Variants in LEKR1 observed in about 807,000 individuals in gnomAD.
LEKR1 encodes leucine, glutamate and lysine rich 1.
In LEKR1, 59 loss-of-function variants were observed where a neutral mutation model predicts 72.4. That is an observed-to-expected ratio of 0.82 (90% CI 0.66 to 1.01). The LOEUF (loss-of-function observed/expected upper bound fraction) is 1.01. LEKR1 is among the 50% of genes least tolerant of loss of function. LEKR1 has a pLI of 0.00. For synonymous variants in LEKR1, 257 were observed against 263.2 expected, an observed-to-expected ratio of 0.98 and a Z score of 0.23; for missense variants, 728 against 759.2, an observed-to-expected ratio of 0.96 and a Z score of 0.48.
At chr3:157,016,035 A>C (rs1323390427) in intron 10 of LEKR1, among the ~76,000 whole-genome samples, 1 of 152,040 alleles carries the variant, frequency 6.6e-6, no homozygotes, top group African/African-American at 2.4e-5. Context: ...GATAGAATAG[A>C]CTCCAAAACA....
chr3:156,868,581 G>A (rs565230574), intron 3 of LEKR1, among the ~76,000 whole-genome samples: 1 of 152,088 alleles, frequency 6.6e-6, no homozygotes, highest in Non-Finnish European at 1.5e-5. Context: ...AGGAAGCAGG[G>A]AAGAAGGGAG....
intron 6 of LEKR1, among the ~76,000 whole-genome samples, chr3:156,973,189 G>A (rs931129278): frequency 6.6e-6 from 1 of 152,032 alleles, no homozygotes; most frequent in East Asian, 1.9e-4. Flanking sequence ...TTCTTTCAGT[G>A]ATTATTTTTT....
At chr3:156,974,055 C>T (rs1729481390) in intron 6 of LEKR1, among the ~76,000 whole-genome samples, 1 of 152,048 alleles carries the variant, frequency 6.6e-6, no homozygotes, top group Non-Finnish European at 1.5e-5. Flanking sequence ...CCTATAAGTA[C>T]ACAACAAGAT....
chr3:156,906,964 T>A (rs899221296), intron 3 of LEKR1, among the ~76,000 whole-genome samples: 76 of 152,178 alleles, frequency 5.0e-4, no homozygotes, highest in Non-Finnish European at 1.2e-4. Context: ...TTAATACATA[T>A]GTTTAATCTT....
rs1187257625 is a variant in LEKR1, at chr3:156,924,521, A to C, written c.384-2908A>C. 5 of 682,608 alleles carry C rather than the reference A, an allele frequency of 7.3e-6. No individual in the cohort carries two copies. In the Admixed American group the frequency reaches 1.0e-4, roughly 14 times the overall value. The allele number at this position is 682,608 out of a possible 1,614,324, so 42.3% of individuals were successfully genotyped here. On this transcript the variant is annotated intron_variant, in intron 4 of 12. Transcript: ENST00000356539. ...TTGTGCTTTTGCTGATGTCTGTAAG[A>C]ACTCTGTCTAAGCCGGTCAGAAGGA...
chr3:156,843,316 CAT>C (rs1455848295), intron 2 of LEKR1, among the ~76,000 whole-genome samples: 1 of 152,012 alleles, frequency 6.6e-6, no homozygotes, highest in Non-Finnish European at 1.5e-5. Context: ...TGCTTGGGGA[CAT>C]ATGTGGAAAT....
chr3:157,021,694 CAGA>C (rs1036686056), intron 10 of LEKR1, among the ~76,000 whole-genome samples: 34 of 152,238 alleles, frequency 2.2e-4, no homozygotes, highest in African/African-American at 7.7e-4. Context: ...TAATTAACCA[CAGA>C]AGATTTTAAA....
At chr3:156,972,616 T>A (rs1576925487) in intron 6 of LEKR1, among the ~76,000 whole-genome samples, 1 of 151,738 alleles carries the variant, frequency 6.6e-6, no homozygotes, top group African/African-American at 2.4e-5. Context: ...GATTGTAATT[T>A]ATATAAGGAC....
At chr3:156,871,623 T>G (rs1717970175) in intron 3 of LEKR1, among the ~76,000 whole-genome samples, 1 of 152,114 alleles carries the variant, frequency 6.6e-6, no homozygotes, top group African/African-American at 2.4e-5. Flanking sequence ...CACCTGTTGT[T>G]TCCTGACTTT....
intron 3 of LEKR1, among the ~76,000 whole-genome samples, chr3:156,899,390 ATG>A (rs1262398890): frequency 2.8e-5 from 3 of 105,894 alleles, no homozygotes; most frequent in African/African-American, 7.5e-5. Flanking sequence ...ACATATATAC[ATG>A]TATATATACA....
At chr3:156,964,690 C>G (rs1169339884) in intron 6 of LEKR1, among the ~76,000 whole-genome samples, 4 of 152,134 alleles carry the variant, frequency 2.6e-5, no homozygotes, top group African/African-American at 9.6e-5. Context: ...AGTCAGTACT[C>G]GGTGGCTGAA....
rs1297921193 is a variant in LEKR1 at position 156,899,493 on chromosome 3, CACAT to C, written c.264-21080_264-21077del. On this transcript the variant is annotated intron_variant, in intron 3 of 12. Transcript: ENST00000356539. ...GTATATATACATACATACATATATA[CACAT>C]ATATACATGTATATATACATACATA... 2.0e-3 allele frequency among the ~76,000 whole-genome samples: 228 copies of C among 112,886 alleles called. 1 individual carries two copies. Among genetic ancestry groups the C allele is most frequent in the Non-Finnish European group, 3.4e-3 (190 of 55,278 alleles). The allele number at this position is 112,886 out of a possible 152,430, so 74.1% of individuals were successfully genotyped here. A position where few individuals can be genotyped will look rare whatever the true frequency, so the allele number is the denominator to read the frequency against.
chr3:156,903,497 T>G (rs10513499), intron 3 of LEKR1, among the ~76,000 whole-genome samples: 10,101 of 152,244 alleles, frequency 0.066, 407 homozygotes, highest in African/African-American at 0.11. Flanking sequence ...CATACACTAT[T>G]AGTTACGACT....
intron 4 of LEKR1, chr3:156,921,112 A>G (rs1724153439): frequency 6.6e-6 from 1 of 152,536 alleles, no homozygotes; most frequent in Non-Finnish European, 1.5e-5. Context: ...AAGCATGTTA[A>G]TTCTGCTTTT....
At position 156,842,783 on chromosome 3, in the gene LEKR1, A is replaced by G. The variant is rs1000140236; in HGVS notation, c.49-9985A>G. 6.6e-5 allele frequency among the ~76,000 whole-genome samples: 10 copies of G among 152,286 alleles called. No homozygotes were observed. The East Asian group carries it at 1.9e-3, about 29-fold the overall frequency. ...TCCCCTGGTCTCATCTCCTCAGGGA[A>G]TTTTAGGGAAGAAGGAATAAGATAA... On this transcript the variant is annotated intron_variant, in intron 2 of 12. Coordinates refer to ENST00000356539, the MANE Select transcript of LEKR1 (RefSeq NM_001004316.3).
intron 7 of LEKR1, among the ~76,000 whole-genome samples, chr3:156,982,620 C>T (rs1372990247): frequency 6.6e-6 from 1 of 152,064 alleles, no homozygotes; most frequent in East Asian, 1.9e-4. Flanking sequence ...CAGAAGGTAA[C>T]CAGTAGCGTT....
chr3:156,836,080 A>G (rs1055024262), intron 2 of LEKR1, among the ~76,000 whole-genome samples: 7 of 151,476 alleles, frequency 4.6e-5, no homozygotes, highest in African/African-American at 1.7e-4. Context: ...CGTCATGTTC[A>G]AGACTGGCCT....
chr3:156,845,547 A>T lies in LEKR1; in HGVS notation c.49-7221A>T, dbSNP rs1576649254. ...GTTGAGGTTCCTTTTTTAAAAAAAA[A>T]AATGTATGGATATCCAATTGTACCA... On this transcript the variant is annotated intron_variant, in intron 2 of 12. Transcript: ENST00000356539. 7.2e-5 allele frequency among the ~76,000 whole-genome samples: 11 copies of T among 152,026 alleles called. No individual in the cohort carries two copies. The South Asian group carries it at 2.3e-3, about 32-fold the overall frequency.
chr3:156,961,864 G>T (rs73873749), intron 6 of LEKR1, among the ~76,000 whole-genome samples: 10,829 of 152,222 alleles, frequency 0.071, 491 homozygotes, highest in African/African-American at 0.12. Flanking sequence ...ATCATCTAAA[G>T]AACTATATAT....
Sources: allele counts gnomAD v4.1 joint callset (sites outside exome capture counted in the v4.1 genomes callset), GRCh38; gene constraint gnomAD v4.1.1; transcripts MANE v1.5; gene names NCBI Gene and HGNC (gene_info 2026-07-23, HGNC 2026-07-21).